Variants in LAMA5 observed in about 807,000 individuals in gnomAD.
LAMA5 encodes laminin subunit alpha-5.
A neutral mutation model predicts 433.4 loss-of-function variants in LAMA5; 260 were observed. The observed-to-expected ratio is 0.60, with a 90% confidence interval of 0.54 to 0.66. The LOEUF (loss-of-function observed/expected upper bound fraction) is 0.66. Among genes scored for constraint, LAMA5 ranks in the 30% least tolerant of loss-of-function variants. The pLI is 0.00. For missense variants in LAMA5, 5,378 were observed against 5,258.5 expected (o/e 1.02, Z -0.70); for synonymous variants, 2,620 against 2,226.6 (o/e 1.18, Z -4.97).
intron 22 of LAMA5, 22 bp from the exon 23 acceptor site, chr20:62,334,061 G>A (rs774060789): frequency 8.3e-5 from 133 of 1,604,254 alleles, no homozygotes; most frequent in Non-Finnish European, 1.1e-4. Context: ...TGGAGCGTCG[G>A]GTCACTCTCC....
rs1985837535 is a variant in LAMA5, at chr20:62,309,421, A to G, written c.11003T>C (p.Leu3668Pro). 1.3e-6 allele frequency: 2 copies of G among 1,584,788 alleles called. No individual in the cohort carries two copies. The highest frequency in any genetic ancestry group is 1.7e-6 in the Non-Finnish European group (2 of 1,174,490). Residue 3668 changes from leucine (L) to proline (P), a missense_variant, in exon 80 of 80, where the codon CTG (leucine) becomes CCG (proline). By Grantham distance (98) the Leu-to-Pro change is moderately conservative. Coordinates refer to ENST00000252999, the MANE Select transcript of LAMA5 (RefSeq NM_005560.6). ...PPAYCGCMRR[L>P]AVNRSPVAMT... ...GGCGACGGGGGACCGGTTCACCGCC[A>G]GCCTCCTCATGCAGCCGCAGTAGGC...
intron 58 of LAMA5, 133 bp downstream of exon 58, chr20:62,315,815 C>T (rs1986877277): frequency 1.5e-6 from 1 of 682,274 alleles, no homozygotes; most frequent in Non-Finnish European, 2.5e-6. Context: ...CTTTCTGTGT[C>T]TGGCCCCAGC....
rs2427286 is a variant in LAMA5 at position 62,329,797 on chromosome 20, T to C, written c.4099A>G (p.Lys1367Glu). 1,507,091 of 1,612,204 alleles carry C rather than the reference T, an allele frequency of 0.93. 705,533 individuals carry two copies. The highest frequency in any genetic ancestry group is 0.98 in the East Asian group (44,145 of 44,854). Residue 1367 changes from lysine (K) to glutamate (E), a missense_variant, in exon 32 of 80, where the codon AAG (lysine) becomes GAG (glutamate). Coordinates refer to ENST00000252999, the MANE Select transcript of LAMA5 (RefSeq NM_005560.6). ...CTCACCAGCCAGAGCCACCGGCCCT[T>C]GGGCACACGCACGGTCACAGTGAGC... Reference protein sequence around the residue: ...SELTVTVRVPKGRWLWLDYVL... With the variant: ...SELTVTVRVPEGRWLWLDYVL...
chr20:62,335,086 T>C lies in LAMA5; in HGVS notation c.2417A>G (p.Gln806Arg). Residue 806 changes from glutamine (Q) to arginine (R), a missense_variant, in exon 20 of 80, where the codon CAG becomes CGG. Coordinates refer to ENST00000252999, the MANE Select transcript of LAMA5 (RefSeq NM_005560.6). The part of the protein sequence containing the change: ...QCFCKPHVCG[Q>R]ACASCKDGFF... The stretch of plus-strand genomic sequence containing the variant: ...GCCATCCTTGCAGGACGCGCAGGCC[T>C]GGCCGCACACGTGGGGCTTGCAGAA... 2 of 1,613,044 alleles carry C rather than the reference T, an allele frequency of 1.2e-6. No homozygotes were observed. The highest frequency in any genetic ancestry group is 1.7e-6 in the Non-Finnish European group (2 of 1,179,722).
chr20:62,352,114 T>C (rs756306655), intron 4 of LAMA5, 35 bp from the exon 5 acceptor site: 29 of 1,603,762 alleles, frequency 1.8e-5, no homozygotes, highest in Middle Eastern at 1.8e-4. Flanking sequence ...AGTGTGGCCC[T>C]AGCCCCTGCT....
intron 31 of LAMA5, 69 bp from the exon 32 acceptor site, chr20:62,329,985 G>C: frequency 6.4e-7 from 1 of 1,559,236 alleles, no homozygotes; most frequent in Non-Finnish European, 8.6e-7. Flanking sequence ...GAGGGTTGAA[G>C]ATGGCAGCGT....
Position 62,338,483 on chromosome 20 carries a change from C to T in LAMA5, c.1603G>A (p.Gly535Ser), listed in dbSNP as rs951379586. Reference sequence around the variant, plus strand: ...GGGGACTCACGCTGGCAGCCGGGGCCGTAGAACCCTGGCGCGCAGAGCTCA... The same window carrying T: ...GGGGACTCACGCTGGCAGCCGGGGCTGTAGAACCCTGGCGCGCAGAGCTCA... ...HCELCAPGFY[G>S]PGCQPCQCSS... The change falls in exon 12 of 80, where the codon GGC (glycine) becomes AGC (serine). Residue 535 changes from glycine to serine, a missense_variant. Coordinates refer to ENST00000252999, the MANE Select transcript of LAMA5 (RefSeq NM_005560.6). 12 of 1,608,586 alleles carry T rather than the reference C, an allele frequency of 7.5e-6. No individual in the cohort carries two copies. The highest frequency in any genetic ancestry group is 2.2e-5 in the East Asian group (1 of 44,698).
intron 11 of LAMA5, among the ~76,000 whole-genome samples, chr20:62,340,636 C>T (rs1367401230): frequency 6.6e-6 from 1 of 151,888 alleles, no homozygotes; most frequent in Non-Finnish European, 1.5e-5. Context: ...CATGCCAAAT[C>T]GGTACTCCAT....
rs772483268 is a variant in LAMA5, at chr20:62,310,678, C to T, written c.10433G>A (p.Ser3478Asn). ...FVGGLPASSH[S>N]SKLPVTVGFS... Reference sequence around the variant, plus strand: ...GATGGTTCTCACCGGAAGTTTGGAGCTGTGGCTGCTGGCCGGGAGGCCGCC... The same window carrying T: ...GATGGTTCTCACCGGAAGTTTGGAGTTGTGGCTGCTGGCCGGGAGGCCGCC... Residue 3478 changes from serine to asparagine, a missense_variant, in exon 75 of 80, where the codon AGC becomes AAC. Physicochemically the swap from Ser to Asn is conservative, Grantham distance 46. Transcript: ENST00000252999. 6.2e-6 allele frequency: 10 copies of T among 1,603,196 alleles called. No individual in the cohort carries two copies. The East Asian group carries it at 1.1e-4, about 18-fold the overall frequency.
intron 40 of LAMA5, among the ~76,000 whole-genome samples, chr20:62,326,131 A>C (rs561910314): frequency 7.2e-5 from 11 of 152,262 alleles, no homozygotes; most frequent in African/African-American, 2.6e-4. Context: ...GAGACAGAAG[A>C]ATCGCTTGAT....
In LAMA5 at chr20:62,324,216, T is replaced by G; in HGVS notation, c.5644-12A>C. 1.3e-6 allele frequency: 2 copies of G among 1,575,674 alleles called. No individual in the cohort carries two copies. The highest frequency in any genetic ancestry group is 2.3e-5 in the East Asian group (1 of 44,444). ...TTGTGCTGGCAGTCCTGGGGCAGAG[T>G]GGACAGTCAGAGCTATGGTGGACAC... On this transcript the variant is annotated splice_polypyrimidine_tract_variant and intron_variant, in intron 42 of 79. Coordinates refer to ENST00000252999, the MANE Select transcript of LAMA5 (RefSeq NM_005560.6). This position sits in a 1 kb window ranked among gnomAD's most constrained non-coding sequence, Gnocchi z 4.4.
At chr20:62,320,708 G>C (rs555778098) in intron 49 of LAMA5, 31 bp downstream of exon 49, 110 of 1,612,222 alleles carry the variant, frequency 6.8e-5, no homozygotes, top group Middle Eastern at 1.6e-4. Context: ...ACTGGCCCGG[G>C]TTGGGGAGGG....
chr20:62,336,522 G>T, intron 17 of LAMA5, 77 bp from the exon 18 acceptor site: 2 of 1,352,988 alleles, frequency 1.5e-6, no homozygotes, highest in South Asian at 1.3e-5. Flanking sequence ...ATAGAGCCCT[G>T]ACAAGGGGTG....
chr20:62,316,646 GC>G, intron 57 of LAMA5, 24 bp downstream of exon 57: 1 of 1,512,034 alleles, frequency 6.6e-7, no homozygotes, highest in Non-Finnish European at 8.9e-7. Context: ...AGGCCTAAGG[GC>G]CCCCATCGGA....
chr20:62,366,644 T>TTGGGGCCGCCAGGGAC (rs1265165342), intron 1 of LAMA5, among the ~76,000 whole-genome samples: 26 of 152,204 alleles, frequency 1.7e-4, no homozygotes, highest in African/African-American at 6.0e-4. Flanking sequence ...GATCCCGGAC[T>TTGGGGCCGCCAGGGAC]TGGGGCCGCC....
chr20:62,362,363 G>C, intron 2 of LAMA5, 37 bp downstream of exon 2: 2 of 1,444,772 alleles, frequency 1.4e-6, no homozygotes, highest in Non-Finnish European at 1.8e-6. Flanking sequence ...CACAGACACA[G>C]AGATGGGGGC....
chr20:62,367,082 C>T lies in LAMA5; in HGVS notation c.164G>A (p.Gly55Asp), dbSNP rs890570759. 1.6e-6 allele frequency: 2 copies of T among 1,266,472 alleles called. No individual in the cohort carries two copies. Among genetic ancestry groups the T allele is most frequent in the Non-Finnish European group, 2.0e-6 (2 of 1,009,552 alleles). The allele number at this position is 1,266,472 out of a possible 1,614,324, so 78.5% of individuals were successfully genotyped here. Reference protein sequence around the residue: ...LHPPYFNLAEGARIAASATCG... With the variant: ...LHPPYFNLAEDARIAASATCG... ...GGTCGCGGAGGCGGCGATGCGGGCG[C>T]CCTCGGCCAGGTTGAAGTAGGGCGG... Residue 55 changes from glycine to aspartate, a missense_variant, in exon 1 of 80, where the codon GGC becomes GAC. Coordinates refer to ENST00000252999, the MANE Select transcript of LAMA5 (RefSeq NM_005560.6).
In LAMA5 at chr20:62,334,600, C is replaced by G. The variant is rs1439597217; in HGVS notation, c.2504G>C (p.Gly835Ala). 6.5e-7 allele frequency: 1 copy of G among 1,547,656 alleles called. No individual in the cohort carries two copies. The highest frequency in any genetic ancestry group is 8.7e-7 in the Non-Finnish European group (1 of 1,146,666). ...CGGTTCACAGCTCTGGCCCAGTGCA[C>G]CGCCAATGTCACACCGGCAGCCTGC... ...GCRSCRCDIG[G>A]ALGQSCEPRT... Residue 835 changes from glycine to alanine, a missense_variant, in exon 21 of 80, where the codon GGT (glycine) becomes GCT (alanine). Transcript: ENST00000252999.
Position 62,314,862 on chromosome 20 carries a change from G to A in LAMA5, c.8133C>T (p.Ala2711=), listed in dbSNP as rs373130604. Residue 2711 remains alanine (A), a synonymous_variant, in exon 60 of 80, where the codon GCC becomes GCT. Transcript: ENST00000252999. ...GCACGCGGCCAATGCTGGCGGACAGGGCCAGGCTGGCGTTGTGCACCCCAC... is the reference window on the plus strand; with the variant it reads ...GCACGCGGCCAATGCTGGCGGACAGAGCCAGGCTGGCGTTGTGCACCCCAC... ...ENRGVHNASL[A]LSASIGRVRE... is the part of the protein sequence containing the mutation. 19 of 1,612,330 alleles carry A rather than the reference G, an allele frequency of 1.2e-5. No individual in the cohort carries two copies. In the South Asian group the frequency reaches 2.1e-4, roughly 18 times the overall value.
Sources: gnomAD v4.1 joint callset for allele counts (sites outside exome capture counted in the v4.1 genomes callset) on GRCh38, gnomAD v4.1.1 for gene constraint, Gnocchi (gnomAD v3.1) non-coding constraint, MANE v1.5 for transcripts, NCBI Gene and HGNC (gene_info 2026-07-23, HGNC 2026-07-21) for gene names.